Variants in APBA3 observed in about 807,000 individuals in gnomAD.
APBA3 encodes the protein amyloid-beta A4 precursor protein-binding family A member 3.
In APBA3, 45 loss-of-function variants were observed where a neutral mutation model predicts 55.9. That is an observed-to-expected ratio of 0.80 (90% CI 0.63 to 1.03). APBA3 has a LOEUF of 1.03. Among genes scored for constraint, APBA3 ranks in the 50% least tolerant of loss-of-function variants. The pLI is 0.00. For synonymous variants in APBA3, 370 were observed against 353.3 expected, an observed-to-expected ratio of 1.05 and a Z score of -0.53; for missense variants, 865 against 820.3, an observed-to-expected ratio of 1.05 and a Z score of -0.67.
chr19:3,752,322 C>A (rs1418848162), intron 8 of APBA3, among the ~76,000 whole-genome samples, 186 bp downstream of exon 8: 1 of 152,046 alleles, frequency 6.6e-6, no homozygotes, highest in Non-Finnish European at 1.5e-5. Context: ...TAGGGAGGTG[C>A]CCTGGACAAG....
chr19:3,757,865 C>T (rs2037096915), intron 3 of APBA3, among the ~76,000 whole-genome samples: 1 of 152,232 alleles, frequency 6.6e-6, no homozygotes, highest in African/African-American at 2.4e-5. Flanking sequence ...AACATCAGAG[C>T]AGCCATGGAC....
chr19:3,753,998 G>C (rs748717776), intron 5 of APBA3, 21 bp downstream of exon 5: 3 of 1,599,994 alleles, frequency 1.9e-6, no homozygotes, highest in South Asian at 2.2e-5. Context: ...CGCATCCCTG[G>C]GGCGGGTCCC....
At chr19:3,757,601 G>A (rs4613191) in intron 3 of APBA3, among the ~76,000 whole-genome samples, 6,467 of 152,168 alleles carry the variant, frequency 0.042, 482 homozygotes, top group African/African-American at 0.15. Flanking sequence ...GCACGGTGGC[G>A]GACGCTTGTA....
intron 7 of APBA3, 24 bp downstream of exon 7, chr19:3,752,796 G>C: frequency 6.2e-7 from 1 of 1,610,908 alleles, no homozygotes; most frequent in Non-Finnish European, 8.5e-7. Context: ...GCACCAGGTG[G>C]GGGCTGCCCA....
intron 3 of APBA3, 42 bp downstream of exon 3, chr19:3,759,519 G>A (rs1407514200): frequency 8.3e-6 from 13 of 1,560,940 alleles, no homozygotes; most frequent in Non-Finnish European, 1.1e-5. Flanking sequence ...TGGCTGTCTA[G>A]GGGCCTTCAG....
chr19:3,759,039 T>C (rs938177358), intron 3 of APBA3, among the ~76,000 whole-genome samples: 3 of 150,800 alleles, frequency 2.0e-5, no homozygotes, highest in African/African-American at 7.3e-5. Flanking sequence ...TTGGGCAACA[T>C]GGTGAAACCC....
At chr19:3,754,532 T>C (rs1004826206) in intron 3 of APBA3, 192 bp from the exon 4 acceptor site, 2 of 675,440 alleles carry the variant, frequency 3.0e-6, no homozygotes, top group African/African-American at 1.9e-5. Context: ...TAGAACCTTC[T>C]GTCCATCCCT....
chr19:3,751,633 C>T, intron 8 of APBA3, 80 bp from the exon 9 acceptor site: 1 of 1,469,746 alleles, frequency 6.8e-7, no homozygotes, highest in South Asian at 1.3e-5. Context: ...CTCAGTTTAC[C>T]CTCTCATAAA....
In APBA3 at chr19:3,757,234, G is replaced by A. The variant is rs781457171; in HGVS notation, c.616+2327C>T. Among the ~76,000 whole-genome samples, 7 of 152,186 alleles carry A rather than the reference G, an allele frequency of 4.6e-5. No individual in the cohort carries two copies. In the East Asian group the frequency reaches 7.7e-4, roughly 17 times the overall value. Reference sequence around the variant, plus strand: ...CCACCTCAGCCTCCCAAGTAGCTGGGATTATAGACCCATGCCACGTGCCTG... The same window carrying A: ...CCACCTCAGCCTCCCAAGTAGCTGGAATTATAGACCCATGCCACGTGCCTG... On this transcript the variant is annotated intron_variant, in intron 3 of 10. Coordinates refer to ENST00000316757, the MANE Select transcript of APBA3 (RefSeq NM_004886.4).
intron 6 of APBA3, 112 bp downstream of exon 6, chr19:3,753,653 G>T: frequency 8.8e-7 from 1 of 1,137,164 alleles, no homozygotes; most frequent in Non-Finnish European, 1.2e-6. Flanking sequence ...CCCAAAAAAA[G>T]AATTTAAAAA....
chr19:3,753,677 G>T, intron 6 of APBA3, 88 bp downstream of exon 6: 2 of 1,254,124 alleles, frequency 1.6e-6, no homozygotes, highest in Non-Finnish European at 2.1e-6. Flanking sequence ...GCTTATGGGA[G>T]GGAGGTTAAA....
chr19:3,760,281 T>A lies in APBA3; in HGVS notation c.-17A>T. 6.4e-7 allele frequency: 1 copy of A among 1,573,746 alleles called. No individual in the cohort carries two copies. The highest frequency in any genetic ancestry group is 1.4e-5 in the African/African-American group (1 of 73,464). ...GAAGTCCATGCCTGGACTCCAGGCT[T>A]AGGCCGGCATCTTCAGGCAGCTGAA... On this transcript the variant is annotated 5_prime_UTR_variant, in exon 2 of 11. An upstream open reading frame in the 5' UTR loses its in-frame stop. Transcript: ENST00000316757.
At position 3,752,923 on chromosome 19, in the gene APBA3, C is replaced by T. The variant is rs1599171703; in HGVS notation, c.1079G>A (p.Ser360Asn). The T allele has an allele frequency of 1.2e-6, 2 of 1,613,438 alleles. No individual in the cohort carries two copies. The highest frequency in any genetic ancestry group is 1.7e-6 in the Non-Finnish European group (2 of 1,179,916). ...AAAYSQFLRESGIDPSQVGVH... is the reference protein window; with the variant it reads ...AAAYSQFLRENGIDPSQVGVH... ...GCCCACCTGGCTGGGGTCAATACCG[C>T]TTTCCCGTAGGAACTGGCTGTAGGC... The change falls in exon 7 of 11, where the codon AGC becomes AAC. Residue 360 changes from serine to asparagine, a missense_variant. Transcript: ENST00000316757.
intron 8 of APBA3, 47 bp from the exon 9 acceptor site, chr19:3,751,600 G>A: frequency 1.3e-6 from 2 of 1,543,532 alleles, no homozygotes; most frequent in Non-Finnish European, 1.7e-6. Flanking sequence ...GGACAGCCTG[G>A]CAGGTTGTAG....
intron 6 of APBA3, 84 bp from the exon 7 acceptor site, chr19:3,753,074 C>T (rs1350426054): frequency 2.0e-6 from 3 of 1,477,994 alleles, no homozygotes; most frequent in African/African-American, 2.8e-5. Context: ...CAGAGCTGAG[C>T]CCTCCTGTCC....
At chr19:3,757,462 G>A (rs4542779) in intron 3 of APBA3, among the ~76,000 whole-genome samples, 5,002 of 151,696 alleles carry the variant, frequency 0.033, 301 homozygotes, top group African/African-American at 0.11. Flanking sequence ...GGCTGGCCGC[G>A]GTGGCTCACA....
In APBA3 at chr19:3,752,810, C is replaced by A. The variant is rs956865444; in HGVS notation, c.1182+10G>T. The A allele has an allele frequency of 1.1e-5, 17 of 1,612,362 alleles. No individual in the cohort carries two copies. The Admixed American group carries it at 2.7e-4, about 25-fold the overall frequency. ...GGCACCAGGTGGGGGCTGCCCAGCA[C>A]CTCACTCACCTCCCGGCAGTTGTCA... is the stretch of plus-strand genomic sequence containing the variant. On this transcript the variant is annotated intron_variant, in intron 7 of 10. Transcript: ENST00000316757.
intron 3 of APBA3, chr19:3,756,388 A>G (rs562965983): frequency 4.6e-5 from 7 of 152,352 alleles, no homozygotes; most frequent in African/African-American, 1.7e-4. Flanking sequence ...CTAAGGAAGG[A>G]GAATCACTTG....
intron 3 of APBA3, chr19:3,755,404 T>G (rs2037064441): frequency 6.6e-6 from 1 of 152,180 alleles, no homozygotes; most frequent in African/African-American, 2.4e-5. Flanking sequence ...CCAGGGATTC[T>G]AAGAATTACC....
Sources: gnomAD v4.1 joint callset for allele counts (sites outside exome capture counted in the v4.1 genomes callset) on GRCh38, gnomAD v4.1.1 for gene constraint, MANE v1.5 for transcripts, NCBI Gene and HGNC (gene_info 2026-07-23, HGNC 2026-07-21) for gene names.